The following ELAVL4 variants were observed in gnomAD, a reference collection of about 807,000 sequenced individuals.
The protein encoded by ELAVL4 is ELAV-like protein 4.
A neutral mutation model predicts 35.6 loss-of-function variants in ELAVL4; 1 was observed. That is an observed-to-expected ratio of 0.03 (90% CI 0.01 to 0.13). ELAVL4 has a LOEUF of 0.13. ELAVL4 is among the 10% of genes least tolerant of loss of function. The pLI is 1.00. For missense variants in ELAVL4, 267 were observed against 464.9 expected (o/e 0.57, Z 3.91); for synonymous variants, 156 against 171.0 (o/e 0.91, Z 0.69).
chr1:50,088,103 TC>T (rs1665330073), intron 1 of ELAVL4, among the ~76,000 whole-genome samples: 1 of 152,228 alleles, frequency 6.6e-6, no homozygotes, highest in Non-Finnish European at 1.5e-5. Context: ...TGTGAGTGCT[TC>T]AGAGCACTTG....
intron 1 of ELAVL4, among the ~76,000 whole-genome samples, chr1:50,095,370 T>A (rs775949116): frequency 2.6e-5 from 4 of 152,124 alleles, no homozygotes; most frequent in Non-Finnish European, 4.4e-5. Flanking sequence ...TTCTATTTGT[T>A]TATATATTGA....
chr1:50,108,358 A>G (rs1290955257), upstream of ELAVL4, among the ~76,000 whole-genome samples: 6 of 152,338 alleles, frequency 3.9e-5, no homozygotes, highest in South Asian at 1.2e-3. Flanking sequence ...TAGCTGGAGA[A>G]GGAGCATTAC....
intron 3 of ELAVL4, among the ~76,000 whole-genome samples, chr1:50,191,154 C>G (rs1557859477): frequency 6.6e-6 from 1 of 152,312 alleles, no homozygotes; most frequent in South Asian, 2.1e-4. Context: ...CTGTTGCCCT[C>G]TTTGGACTTG....
At chr1:50,063,383 C>T (rs1255703266) in intron 1 of ELAVL4, among the ~76,000 whole-genome samples, 1 of 152,060 alleles carries the variant, frequency 6.6e-6, no homozygotes, top group Non-Finnish European at 1.5e-5. Context: ...TCATTGTCTA[C>T]TGTTGTTTTG....
At position 50,086,976 on chromosome 1, in the gene ELAVL4, C is replaced by T. The variant is rs531723737; in HGVS notation, c.18+38794C>T. 2.6e-5 allele frequency among the ~76,000 whole-genome samples: 4 copies of T among 152,234 alleles called. No individual in the cohort carries two copies. In the South Asian group the frequency reaches 6.2e-4, roughly 24 times the overall value. On this transcript the variant is annotated intron_variant, in intron 1 of 6. Coordinates refer to the ELAVL4 transcript ENST00000448907. ...TTCTTTAGCTAAAGGAAGAGATTCC[C>T]ATTGTTCCCATCTATTTTTCCAAAG...
chr1:50,173,112 T>C (rs1429178453), intron 2 of ELAVL4, among the ~76,000 whole-genome samples: 1 of 152,234 alleles, frequency 6.6e-6, no homozygotes, highest in Non-Finnish European at 1.5e-5. Context: ...CATTCTTTCA[T>C]TTATCAAGCA....
chr1:50,104,003 C>G, upstream of ELAVL4: 1 of 1,613,982 alleles, frequency 6.2e-7, no homozygotes, highest in Non-Finnish European at 8.5e-7. Context: ...TGGAACAGGT[C>G]TGTTTAGCCA....
At chr1:50,187,209 G>A (rs1184087138) in intron 3 of ELAVL4, among the ~76,000 whole-genome samples, 2 of 152,118 alleles carry the variant, frequency 1.3e-5, no homozygotes, top group African/African-American at 4.8e-5. Flanking sequence ...GAAATGATTG[G>A]TTTGTGTGTG....
At chr1:50,154,932 G>C (rs1024622296) in intron 2 of ELAVL4, among the ~76,000 whole-genome samples, 1 of 151,984 alleles carries the variant, frequency 6.6e-6, no homozygotes, top group Non-Finnish European at 1.5e-5. Context: ...GAAGGAAATG[G>C]ATATAGAATG....
intron 1 of ELAVL4, among the ~76,000 whole-genome samples, chr1:50,055,792 C>A (rs1663630149): frequency 1.4e-5 from 2 of 147,456 alleles, no homozygotes; most frequent in Non-Finnish European, 3.1e-5. Context: ...CAACGAAAAC[C>A]TTTACAGGAA....
chr1:50,181,626 T>C (rs147389813), intron 3 of ELAVL4, among the ~76,000 whole-genome samples: 48 of 152,264 alleles, frequency 3.2e-4, no homozygotes, highest in Non-Finnish European at 5.1e-4. Context: ...ATGTAGGAGT[T>C]TGGGATGCTA....
intron 1 of ELAVL4, among the ~76,000 whole-genome samples, chr1:50,062,886 A>G (rs1664068327): frequency 6.6e-6 from 1 of 152,070 alleles, no homozygotes; most frequent in African/African-American, 2.4e-5. Context: ...CCATCCATCC[A>G]TTCACCCATC....
chr1:50,069,743 T>A lies in ELAVL4; in HGVS notation c.18+21561T>A, dbSNP rs367760954. Among the ~76,000 whole-genome samples the A allele has an allele frequency of 3.0e-4, 46 of 152,298 alleles. 1 individual carries two copies. The South Asian group carries it at 8.7e-3, about 29-fold the overall frequency. ...ATAAAGCATCATACTAAGTACTTTATACAAATTCTCTTATTAAGCCCTTAT... is the reference window on the plus strand; with the variant it reads ...ATAAAGCATCATACTAAGTACTTTAAACAAATTCTCTTATTAAGCCCTTAT... On this transcript the variant is annotated intron_variant, in intron 1 of 6. Transcript: ENST00000448907.
chr1:50,129,910 T>G (rs1198414162), intron 1 of ELAVL4, among the ~76,000 whole-genome samples: 2 of 152,110 alleles, frequency 1.3e-5, no homozygotes, highest in Non-Finnish European at 2.9e-5. Context: ...ACCAGGTGCC[T>G]TCAGATTTGT....
Position 50,165,932 on chromosome 1 carries a change from G to A in ELAVL4, c.251-11157G>A, listed in dbSNP as rs546058495. ...GCTGAGGAGCAAGGAGAGCCAGTTC[G>A]AGTTCCCAAACAGAAGAACTTGGAG... is the stretch of plus-strand genomic sequence containing the variant. On this transcript the variant is annotated intron_variant, in intron 2 of 6. Coordinates refer to ENST00000371824, the MANE Select transcript of ELAVL4 (RefSeq NM_001144774.3). 2.6e-4 allele frequency among the ~76,000 whole-genome samples: 39 copies of A among 152,030 alleles called. 1 individual carries two copies. Among genetic ancestry groups the A allele is most frequent in the South Asian group, 1.0e-3 (5 of 4,802 alleles).
At chr1:50,092,985 T>G (rs1167671857) in intron 1 of ELAVL4, among the ~76,000 whole-genome samples, 2 of 152,236 alleles carry the variant, frequency 1.3e-5, no homozygotes, top group Non-Finnish European at 2.9e-5. Context: ...CACTCCAATA[T>G]AAATTCCCAG....
chr1:50,053,652 G>A (rs946466250), intron 1 of ELAVL4, among the ~76,000 whole-genome samples: 2 of 152,174 alleles, frequency 1.3e-5, no homozygotes, highest in African/African-American at 4.8e-5. Flanking sequence ...TAGATTCAGT[G>A]AATGTTTATT....
At chr1:50,088,190 G>A (rs1665334075) in intron 1 of ELAVL4, among the ~76,000 whole-genome samples, 1 of 152,194 alleles carries the variant, frequency 6.6e-6, no homozygotes. Context: ...AAGCTGGCCT[G>A]TCCTTCACTG....
At chr1:50,099,238 C>T (rs1343038498), upstream of ELAVL4, among the ~76,000 whole-genome samples, 1 of 152,116 alleles carries the variant, frequency 6.6e-6, no homozygotes, top group African/African-American at 2.4e-5. Context: ...ACAATTTCTG[C>T]CATGCAAGCT....
Sources: allele counts gnomAD v4.1 joint callset (sites outside exome capture counted in the v4.1 genomes callset), GRCh38; gene constraint gnomAD v4.1.1; transcripts MANE v1.5; gene names NCBI Gene and HGNC (gene_info 2026-07-23, HGNC 2026-07-21).